The following RBM19 variants were observed in gnomAD, a reference collection of about 807,000 sequenced individuals.
RBM19 encodes the protein probable RNA-binding protein 19.
A neutral mutation model predicts 116.8 loss-of-function variants in RBM19; 94 were observed. The ratio of observed to expected loss-of-function variants is 0.80; its 90% CI spans 0.68 to 0.95. RBM19 has a LOEUF of 0.95. Ranked by LOEUF, RBM19 falls within the 40% of genes least tolerant of loss-of-function variation. The pLI is 0.00. For missense variants in RBM19, 1,161 were observed against 1,220.7 expected (o/e 0.95, Z 0.73); for synonymous variants, 475 against 494.1 (o/e 0.96, Z 0.51).
intron 20 of RBM19, among the ~76,000 whole-genome samples, chr12:113,917,253 G>T (rs1882822972): frequency 6.6e-6 from 1 of 152,226 alleles, no homozygotes; most frequent in South Asian, 2.1e-4. Flanking sequence ...TGGAGATAGG[G>T]TACTGGAAAG....
At chr12:113,842,540 T>C (rs1593470708) in intron 23 of RBM19, among the ~76,000 whole-genome samples, 1 of 152,348 alleles carries the variant, frequency 6.6e-6, no homozygotes, top group East Asian at 1.9e-4. Flanking sequence ...GAGCCTGGCA[T>C]GTGCCAGGTA....
intron 21 of RBM19, among the ~76,000 whole-genome samples, chr12:113,890,480 G>A (rs551020816): frequency 6.6e-6 from 1 of 152,156 alleles, no homozygotes; most frequent in Non-Finnish European, 1.5e-5. Context: ...TCTCACAACC[G>A]GCAGCTCGAT....
chr12:113,845,905 A>C (rs74429235), intron 22 of RBM19, among the ~76,000 whole-genome samples: 1 of 152,342 alleles, frequency 6.6e-6, no homozygotes, highest in East Asian at 1.9e-4. Flanking sequence ...CAAGTTAAAG[A>C]AATCTTCCTG....
At chr12:113,850,458 T>C (rs1340278941) in intron 22 of RBM19, among the ~76,000 whole-genome samples, 1 of 152,244 alleles carries the variant, frequency 6.6e-6, no homozygotes, top group Non-Finnish European at 1.5e-5. Context: ...TGCCGCCTTT[T>C]CTGAATTCCC....
At chr12:113,896,245 T>C (rs906215747) in intron 21 of RBM19, among the ~76,000 whole-genome samples, 3 of 152,192 alleles carry the variant, frequency 2.0e-5, no homozygotes, top group Non-Finnish European at 4.4e-5. Context: ...TCCTGGGCCC[T>C]GGGTCCACCT....
intron 21 of RBM19, among the ~76,000 whole-genome samples, chr12:113,877,706 G>C (rs1225851158): frequency 6.6e-6 from 1 of 152,190 alleles, no homozygotes; most frequent in East Asian, 1.9e-4. Flanking sequence ...GTAGCTGCAA[G>C]AACAGCAGCC....
At chr12:113,878,826 GA>G (rs55682400) in intron 21 of RBM19, among the ~76,000 whole-genome samples, 20,021 of 79,006 alleles carry the variant, frequency 0.25, 2,274 homozygotes, top group East Asian at 0.39. Context: ...CCAAAGAATT[GA>G]AAAAAAAAAA....
intron 23 of RBM19, among the ~76,000 whole-genome samples, chr12:113,842,203 T>C (rs1876547355): frequency 6.6e-6 from 1 of 152,112 alleles, no homozygotes; most frequent in Non-Finnish European, 1.5e-5. Context: ...AATAGTGCTG[T>C]CTTTGGAACT....
chr12:113,833,483 G>C (rs140237230), intron 23 of RBM19, among the ~76,000 whole-genome samples: 19 of 152,266 alleles, frequency 1.2e-4, no homozygotes, highest in African/African-American at 3.4e-4. Flanking sequence ...ATACAAGCTG[G>C]GCTTCCTGCC....
At chr12:113,876,424 T>C (rs959034560) in intron 21 of RBM19, among the ~76,000 whole-genome samples, 1 of 152,220 alleles carries the variant, frequency 6.6e-6, no homozygotes, top group African/African-American at 2.4e-5. Context: ...TCAACAGTTG[T>C]GTTAAGGCTT....
At chr12:113,959,797 C>A in intron 4 of RBM19, 68 bp downstream of exon 4, 1 of 1,477,382 alleles carries the variant, frequency 6.8e-7, no homozygotes, top group East Asian at 3.0e-5. Flanking sequence ...CCTCTACCCT[C>A]TCCAGTCTCC....
intron 13 of RBM19, 109 bp from the exon 14 acceptor site, chr12:113,942,543 C>T (rs985384280): frequency 1.7e-5 from 14 of 812,558 alleles, no homozygotes; most frequent in East Asian, 5.4e-5. Flanking sequence ...ATGGATTCCA[C>T]GGATGCCGCT....
intron 16 of RBM19, among the ~76,000 whole-genome samples, chr12:113,930,064 C>G (rs1159521405): frequency 1.3e-5 from 2 of 152,258 alleles, no homozygotes; most frequent in African/African-American, 4.8e-5. Flanking sequence ...TCCAGCTTTA[C>G]AGAGGAAATC....
At chr12:113,885,804 A>T (rs1391255963) in intron 21 of RBM19, among the ~76,000 whole-genome samples, 1 of 150,566 alleles carries the variant, frequency 6.6e-6, no homozygotes, top group African/African-American at 2.4e-5. Context: ...ATATGTTTGA[A>T]TTTTTTTTAA....
intron 21 of RBM19, among the ~76,000 whole-genome samples, chr12:113,893,872 G>T (rs1881126820): frequency 1.3e-5 from 2 of 152,218 alleles, no homozygotes; most frequent in African/African-American, 4.8e-5. Context: ...GCGACACAGG[G>T]CCAGCAGCTA....
intron 21 of RBM19, among the ~76,000 whole-genome samples, chr12:113,894,992 C>A (rs925113730): frequency 1.3e-5 from 2 of 152,222 alleles, no homozygotes; most frequent in African/African-American, 2.4e-5. Context: ...GGACGTGGCA[C>A]ACAATGAGAA....
chr12:113,827,690 G>A (rs144272957), intron 23 of RBM19, among the ~76,000 whole-genome samples: 24 of 152,146 alleles, frequency 1.6e-4, no homozygotes, highest in Non-Finnish European at 2.8e-4. Context: ...TCCGGGGAGG[G>A]GAAAAGCACT....
At chr12:113,940,246 G>A (rs989274296) in intron 14 of RBM19, 86 bp from the exon 15 acceptor site, 1 of 1,387,668 alleles carries the variant, frequency 7.2e-7, no homozygotes, top group Non-Finnish European at 9.9e-7. Context: ...GGGCTCTCCA[G>A]ACAAGGCTCT....
At chr12:113,962,201 G>T in intron 2 of RBM19, 31 bp downstream of exon 2, 1 of 1,607,230 alleles carries the variant, frequency 6.2e-7, no homozygotes, top group Non-Finnish European at 8.5e-7. Context: ...CACTTGACAG[G>T]AAGGTAAGGG....
Sources: gnomAD v4.1 joint callset for allele counts (sites outside exome capture counted in the v4.1 genomes callset) on GRCh38, gnomAD v4.1.1 for gene constraint, MANE v1.5 for transcripts, NCBI Gene and HGNC (gene_info 2026-07-23, HGNC 2026-07-21) for gene names.